The following SGSM3 variants were observed in gnomAD, a reference collection of about 807,000 sequenced individuals.
SGSM3 encodes small G protein signaling modulator 3, also known as RUN and SH3 containing 3.
SGSM3 carries 96 observed loss-of-function variants against 100.5 expected under a neutral mutation model. That is an observed-to-expected ratio of 0.96 (90% CI 0.81 to 1.13). The LOEUF (loss-of-function observed/expected upper bound fraction) is 1.13. Ranked by LOEUF, SGSM3 falls within the 50% of genes most tolerant of loss-of-function variation. The pLI is 0.00. For missense variants in SGSM3, 1,001 were observed against 1,015.8 expected (o/e 0.99, Z 0.20); for synonymous variants, 483 against 422.8 (o/e 1.14, Z -1.75).
chr22:40,407,933 C>G lies in SGSM3; in HGVS notation c.1579+90C>G. The G allele has an allele frequency of 6.9e-7, 1 of 1,458,096 alleles. No homozygotes were observed. The highest frequency in any genetic ancestry group is 1.8e-4 in the Middle Eastern group (1 of 5,566). The allele number at this position is 1,458,096 out of a possible 1,614,324, so 90.3% of individuals were successfully genotyped here. Reference sequence around the variant, plus strand: ...TGACCCTGGCCGCCACCAAGCTGTTCTCCTCTATACACCTGCCTGGCTTGA... The same window carrying G: ...TGACCCTGGCCGCCACCAAGCTGTTGTCCTCTATACACCTGCCTGGCTTGA... On this transcript the variant is annotated intron_variant, in intron 14 of 21. Transcript: ENST00000248929. This position sits in a 1 kb window ranked among gnomAD's most constrained non-coding sequence, Gnocchi z 4.7.
chr22:40,378,673 C>T (rs571049215), intron 1 of SGSM3, among the ~76,000 whole-genome samples: 28 of 150,796 alleles, frequency 1.9e-4, no homozygotes, highest in Middle Eastern at 3.5e-3. Flanking sequence ...TTGCAGTGAG[C>T]TGAGATCACA....
In SGSM3 at chr22:40,406,446, G is replaced by A. The variant is rs1406820071; in HGVS notation, c.969G>A (p.Glu323=). The A allele has an allele frequency of 6.3e-7, 1 of 1,582,742 alleles. No individual in the cohort carries two copies. Among genetic ancestry groups the A allele is most frequent in the Admixed American group, 1.7e-5 (1 of 58,406 alleles). The change falls in exon 10 of 22, where the codon GAG becomes GAA. Residue 323 remains glutamate, a synonymous_variant. Transcript: ENST00000248929. ...TLGMLHLKEE[E]LIQSENSASI... is the part of the protein sequence containing the mutation. ...GCCCTGGCATGGCCCAGGAGGAAGAGCTGATCCAGTCAGAGAACTCGGCCT... is the reference window on the plus strand; with the variant it reads ...GCCCTGGCATGGCCCAGGAGGAAGAACTGATCCAGTCAGAGAACTCGGCCT...
chr22:40,406,282 G>C, intron 9 of SGSM3, 59 bp downstream of exon 9: 1 of 1,601,714 alleles, frequency 6.2e-7, no homozygotes, highest in Non-Finnish European at 8.5e-7. Flanking sequence ...GGGCAGGGGA[G>C]CAAGAGACCT....
intron 8 of SGSM3, 29 bp from the exon 9 acceptor site, chr22:40,406,049 C>T: frequency 3.1e-6 from 5 of 1,606,154 alleles, no homozygotes; most frequent in Non-Finnish European, 4.3e-6. Flanking sequence ...CCACCTCCTC[C>T]CCAGCGGCTT....
chr22:40,387,294 T>C (rs2048631479), intron 1 of SGSM3: 1 of 398,234 alleles, frequency 2.5e-6, no homozygotes, highest in Admixed American at 4.4e-5. Flanking sequence ...CTGTATATAG[T>C]GTAGTATAAT....
At chr22:40,379,211 G>A (rs1601749286) in intron 1 of SGSM3, 1 of 152,128 alleles carries the variant, frequency 6.6e-6, no homozygotes. Context: ...CTGTGTTCCC[G>A]ACACTTAAAA....
At chr22:40,405,061 G>A (rs572561055) in intron 6 of SGSM3, 80 bp from the exon 7 acceptor site, 2 of 1,440,632 alleles carry the variant, frequency 1.4e-6, no homozygotes, top group Admixed American at 5.3e-5. Context: ...ATTTCTGGGG[G>A]AGAAGCCCGC....
In SGSM3 at chr22:40,409,530, G is replaced by C. The variant is rs1402135065; in HGVS notation, c.2172+5G>C. The C allele has an allele frequency of 6.2e-7, 1 of 1,604,132 alleles. No individual in the cohort carries two copies. Among genetic ancestry groups the C allele is most frequent in the African/African-American group, 1.3e-5 (1 of 74,466 alleles). On this transcript the variant is annotated splice_donor_5th_base_variant and intron_variant, in intron 21 of 21. Transcript: ENST00000248929. ...GAGCTCCCTGCGAAGAGAGAGGTGG[G>C]TGGTGTGGGCCTCGTAGGGCCTGCA...
Position 40,410,089 on chromosome 22 carries a change from C to CTTT in SGSM3, c.*331_*332insTTT. The CTTT allele has an allele frequency of 8.5e-7, 1 of 1,174,038 alleles. No homozygotes were observed. The highest frequency in any genetic ancestry group is 1.1e-6 in the Non-Finnish European group (1 of 948,898). 72.7% of individuals were successfully genotyped at this position (1,174,038 alleles called of 1,614,324 possible). ...CTGGCCTCTTTGGTTTATAAATAAA[C>CTTT]TGTGTCTGTCTTTGAGAAAGCACCT... On this transcript the variant is annotated 3_prime_UTR_variant, in exon 22 of 22. Transcript: ENST00000248929.
chr22:40,407,498 C>G lies in SGSM3; in HGVS notation c.1454C>G (p.Ala485Gly). Residue 485 changes from alanine (A) to glycine (G), a missense_variant, in exon 13 of 22, where the codon GCC (alanine) becomes GGC (glycine). Transcript: ENST00000248929. The surrounding 1 kb of genome is among the most constrained non-coding windows in gnomAD (Gnocchi z 4.7). ...TGCTCACGCAGCCACCGGCGCCGAG[C>G]CAAGGCCCTGCTGGACTTTGAGCGG... ...VACSRSHRRR[A>G]KALLDFERHD... 2.5e-6 allele frequency: 4 copies of G among 1,610,912 alleles called. No homozygotes were observed. The highest frequency in any genetic ancestry group is 2.5e-6 in the Non-Finnish European group (3 of 1,180,000).
At chr22:40,378,779 T>C (rs893151136) in intron 1 of SGSM3, among the ~76,000 whole-genome samples, 6 of 152,078 alleles carry the variant, frequency 3.9e-5, no homozygotes, top group African/African-American at 1.4e-4. Flanking sequence ...TTGTACTGAA[T>C]GAACTGTAAA....
At chr22:40,390,517 C>G (rs2049208662) in intron 1 of SGSM3, 1 of 152,162 alleles carries the variant, frequency 6.6e-6, no homozygotes, top group Admixed American at 6.5e-5. Context: ...AAAACCAGTG[C>G]TATAGGGAGT....
At chr22:40,409,612 G>A in intron 21 of SGSM3, 70 bp from the exon 22 acceptor site, 2 of 1,613,406 alleles carry the variant, frequency 1.2e-6, no homozygotes, top group Non-Finnish European at 1.7e-6. Flanking sequence ...CCGAAGTGCT[G>A]GTGTCAGCGG....
At chr22:40,409,157 A>G (rs1031066022) in intron 19 of SGSM3, 93 bp from the exon 20 acceptor site, 12 of 1,556,466 alleles carry the variant, frequency 7.7e-6, no homozygotes, top group African/African-American at 1.4e-5. Flanking sequence ...GTGGTCTGGG[A>G]GCTGCTGAGA....
chr22:40,406,996 G>A lies in SGSM3; in HGVS notation c.1186-21G>A. On this transcript the variant is annotated intron_variant, in intron 10 of 21. Transcript: ENST00000248929. Reference sequence around the variant, plus strand: ...TTCCTCCCGGGGCCAGGACCACCCTGACCCACTCCTCTTGGTGCAGGTTGT... The same window carrying A: ...TTCCTCCCGGGGCCAGGACCACCCTAACCCACTCCTCTTGGTGCAGGTTGT... The A allele has an allele frequency of 3.8e-6, 6 of 1,560,100 alleles. No homozygotes were observed. In the South Asian group the frequency reaches 7.1e-5, roughly 18 times the overall value.
At chr22:40,408,763 C>T (rs754020713) in intron 17 of SGSM3, 31 bp from the exon 18 acceptor site, 56 of 1,613,696 alleles carry the variant, frequency 3.5e-5, no homozygotes, top group South Asian at 1.4e-4. Flanking sequence ...GACCCAGCCC[C>T]GGCACCCCAG....
chr22:40,407,125 G>A lies in SGSM3; in HGVS notation c.1240+54G>A, dbSNP rs2051676797. ...TGGGCATGCGGGAGTCTGTCCTCACGCTCATGTGGACGTGGAGCTTCCTCC... is the reference window on the plus strand; with the variant it reads ...TGGGCATGCGGGAGTCTGTCCTCACACTCATGTGGACGTGGAGCTTCCTCC... On this transcript the variant is annotated intron_variant, in intron 11 of 21. Transcript: ENST00000248929. The surrounding 1 kb of genome is among the most constrained non-coding windows in gnomAD (Gnocchi z 4.7). The A allele has an allele frequency of 5.6e-6, 9 of 1,610,728 alleles. No homozygotes were observed. The highest frequency in any genetic ancestry group is 1.7e-5 in the Admixed American group (1 of 59,352).
At chr22:40,408,500 G>A (rs879699292) in intron 16 of SGSM3, 71 bp downstream of exon 16, 17 of 1,597,774 alleles carry the variant, frequency 1.1e-5, no homozygotes, top group Middle Eastern at 1.7e-4. Flanking sequence ...ACCCATCTTA[G>A]GTCCTTCCTG....
At chr22:40,405,398 A>C in intron 7 of SGSM3, 114 bp downstream of exon 7, 1 of 1,121,578 alleles carries the variant, frequency 8.9e-7, no homozygotes. Flanking sequence ...CAGGACCCCT[A>C]ACAAGGAGTG....
Sources: gnomAD v4.1 joint callset for allele counts (sites outside exome capture counted in the v4.1 genomes callset) on GRCh38, gnomAD v4.1.1 for gene constraint, Gnocchi (gnomAD v3.1) non-coding constraint, MANE v1.5 for transcripts, NCBI Gene and HGNC (gene_info 2026-07-23, HGNC 2026-07-21) for gene names.